Variants in IRAK4 observed in about 807,000 individuals in gnomAD.
IRAK4 encodes interleukin 1 receptor associated kinase 4, also known as interleukin-1 receptor-associated kinase 4.
Under a neutral mutation model 51.8 loss-of-function variants are expected in IRAK4, and 44 were observed. The ratio of observed to expected loss-of-function variants is 0.85; its 90% confidence interval spans 0.67 to 1.09. The LOEUF is 1.09. IRAK4 is among the 50% of genes least tolerant of loss of function. The pLI is 0.00. For missense variants in IRAK4, 487 were observed against 538.0 expected, an observed-to-expected ratio of 0.91 and a Z score of 0.94; for synonymous variants, 149 against 174.1, an observed-to-expected ratio of 0.86 and a Z score of 1.13.
Position 43,774,004 on chromosome 12 carries a change from G to C in IRAK4, c.691G>C (p.Asp231His). Reference protein sequence around the residue: ...ITTEELKQQFDQEIKVMAKCQ... With the variant: ...ITTEELKQQFHQEIKVMAKCQ... Reference sequence around the variant, plus strand: ...TACTGAAGAACTGAAACAGCAGTTTGATCAAGAAATAAAAGTAATGGCAAA... The same window carrying C: ...TACTGAAGAACTGAAACAGCAGTTTCATCAAGAAATAAAAGTAATGGCAAA... Residue 231 changes from aspartate (D) to histidine (H), a missense_variant, in exon 6 of 12, where the codon GAT (aspartate) becomes CAT (histidine). By Grantham distance (81) the Asp-to-His change is moderately conservative. Transcript: ENST00000613694. The C allele has an allele frequency of 6.2e-7, 1 of 1,610,720 alleles. No individual in the cohort carries two copies. The highest frequency in any genetic ancestry group is 8.5e-7 in the Non-Finnish European group (1 of 1,178,168).
At chr12:43,763,456 G>T (rs1037489600) in intron 1 of IRAK4, 4 of 151,838 alleles carry the variant, frequency 2.6e-5, no homozygotes, top group African/African-American at 9.7e-5. Context: ...TTGAGGAAAA[G>T]GTAATTATTT....
At position 43,772,916 on chromosome 12, in the gene IRAK4, T is replaced by C; in HGVS notation, c.495T>C (p.Phe165=). The C allele has an allele frequency of 6.2e-7, 1 of 1,605,038 alleles. No homozygotes were observed. The highest frequency in any genetic ancestry group is 8.5e-7 in the Non-Finnish European group (1 of 1,174,548). ...GTTTTTCTTATTTTGACATAGGTTT[T>C]CACAGTTTTTCATTTTATGAATTGA... ...NKSLEVSDTR[F]HSFSFYELKN... The change falls in exon 5 of 12, where the codon TTT becomes TTC. Residue 165 remains phenylalanine (F), a synonymous_variant. Transcript: ENST00000613694.
chr12:43,778,218 A>G lies in IRAK4; in HGVS notation c.857A>G (p.His286Arg). The change falls in exon 8 of 12, where the codon CAC becomes CGC. Residue 286 changes from histidine to arginine, a missense_variant. Physicochemically the swap from His to Arg is conservative, Grantham distance 29. Transcript: ENST00000613694. ...CLDGTPPLSW[H>R]MRCKIAQGAA... ...GATGGTACTCCACCACTTTCTTGGC[A>G]CATGAGATGCAAGATTGCTCAGGGT... is the stretch of plus-strand genomic sequence containing the variant. The G allele has an allele frequency of 6.2e-7, 1 of 1,609,120 alleles. No individual in the cohort carries two copies.
intron 1 of IRAK4, among the ~76,000 whole-genome samples, chr12:43,762,276 G>A (rs1939643348): frequency 6.6e-6 from 1 of 152,072 alleles, no homozygotes. Flanking sequence ...CTTTTTCCTA[G>A]TATCCCTACA....
At position 43,779,391 on chromosome 12, in the gene IRAK4, T is replaced by C. The variant is rs1941579006; in HGVS notation, c.941+1089T>C. Among the ~76,000 whole-genome samples, 2 of 152,194 alleles carry C rather than the reference T, an allele frequency of 1.3e-5. 1 individual carries two copies. Among genetic ancestry groups the C allele is most frequent in the South Asian group, 4.1e-4 (2 of 4,830 alleles). On this transcript the variant is annotated intron_variant, in intron 8 of 11. Coordinates refer to ENST00000613694, the MANE Select transcript of IRAK4 (RefSeq NM_016123.4). ...ACTTAATAGATCAAGGTAAGGCTTTTAGTTTTATCACAAGTGTAATGAGAT... is the reference window on the plus strand; with the variant it reads ...ACTTAATAGATCAAGGTAAGGCTTTCAGTTTTATCACAAGTGTAATGAGAT...
chr12:43,764,503 A>G (rs1939913750), intron 1 of IRAK4, among the ~76,000 whole-genome samples: 1 of 152,246 alleles, frequency 6.6e-6, no homozygotes, highest in Non-Finnish European at 1.5e-5. Flanking sequence ...AACACCAGCC[A>G]TTTGGGCCAT....
intron 1 of IRAK4, among the ~76,000 whole-genome samples, chr12:43,761,269 A>G (rs1233820242): frequency 1.3e-5 from 2 of 152,254 alleles, no homozygotes; most frequent in African/African-American, 4.8e-5. Context: ...GGATATAAAT[A>G]CATTAAAATT....
At chr12:43,785,646 A>G (rs1216976206) in intron 10 of IRAK4, among the ~76,000 whole-genome samples, 5 of 148,754 alleles carry the variant, frequency 3.4e-5, no homozygotes, top group East Asian at 1.9e-4. Context: ...ATTTATATAT[A>G]TATATATACA....
At chr12:43,762,191 A>G (rs1939634815) in intron 1 of IRAK4, among the ~76,000 whole-genome samples, 1 of 152,220 alleles carries the variant, frequency 6.6e-6, no homozygotes, top group South Asian at 2.1e-4. Context: ...ATATGAATAT[A>G]CATTTAAAGT....
chr12:43,764,661 G>A (rs780355925), intron 1 of IRAK4, among the ~76,000 whole-genome samples: 1 of 152,192 alleles, frequency 6.6e-6, no homozygotes, highest in Non-Finnish European at 1.5e-5. Context: ...GGACTGTAAG[G>A]TGGATGCCTA....
chr12:43,784,694 C>G (rs1942060395), intron 10 of IRAK4, among the ~76,000 whole-genome samples: 1 of 152,162 alleles, frequency 6.6e-6, no homozygotes, highest in African/African-American at 2.4e-5. Flanking sequence ...ATCTCAGTCA[C>G]AAGTTTTGCA....
chr12:43,774,155 TTTAGA>T (rs1473977080), intron 6 of IRAK4, 126 bp downstream of exon 6: 42 of 712,250 alleles, frequency 5.9e-5, no homozygotes, highest in South Asian at 4.7e-5. Flanking sequence ...AAATAAAGTG[TTTAGA>T]TTAGAGAAAT....
At chr12:43,775,991 C>G (rs1393254197) in intron 6 of IRAK4, among the ~76,000 whole-genome samples, 2 of 150,280 alleles carry the variant, frequency 1.3e-5, no homozygotes, top group African/African-American at 4.9e-5. Context: ...ACGCCATTCT[C>G]CCGCCTCAGC....
chr12:43,783,836 T>C lies in IRAK4; in HGVS notation c.1188+112T>C, dbSNP rs559978691. On this transcript the variant is annotated intron_variant, in intron 10 of 11. Coordinates refer to ENST00000613694, the MANE Select transcript of IRAK4 (RefSeq NM_016123.4). The stretch of plus-strand genomic sequence containing the variant: ...ACATTTTCTATTGGCAATCTTTCCA[T>C]TGGCTATTACACGACAGCATATGGA... The C allele has an allele frequency of 7.0e-5, 52 of 739,838 alleles. No individual in the cohort carries two copies. In the Admixed American group the frequency reaches 7.5e-4, roughly 11 times the overall value. 45.8% of individuals were successfully genotyped at this position (739,838 alleles called of 1,614,324 possible).
At position 43,768,235 on chromosome 12, in the gene IRAK4, C is replaced by T; in HGVS notation, c.124C>T (p.Pro42Ser). Residue 42 changes from proline (P) to serine (S), a missense_variant, in exon 2 of 12, where the codon CCA becomes TCA. Transcript: ENST00000613694. ...GAAGTTAGCTGTAGCTATTAAAAAA[C>T]CATCTGGTGATGATAGATACAATCA... ...WKKLAVAIKKPSGDDRYNQFH... is the reference protein window; with the variant it reads ...WKKLAVAIKKSSGDDRYNQFH... 1 of 1,612,750 alleles carries T rather than the reference C, an allele frequency of 6.2e-7. No homozygotes were observed. The highest frequency in any genetic ancestry group is 2.2e-5 in the East Asian group (1 of 44,820).
intron 6 of IRAK4, among the ~76,000 whole-genome samples, chr12:43,775,389 C>G (rs1459836129): frequency 6.6e-6 from 1 of 152,162 alleles, no homozygotes; most frequent in East Asian, 1.9e-4. Flanking sequence ...CTATGGTACA[C>G]GTTTACCTGT....
intron 1 of IRAK4, 74 bp downstream of exon 1, chr12:43,759,090 C>T (rs1244965429): frequency 1.3e-5 from 2 of 152,202 alleles, no homozygotes. Context: ...GCACCTCTGC[C>T]CCAGGGTTGC....
At chr12:43,769,974 AAG>A (rs1343396382) in intron 2 of IRAK4, among the ~76,000 whole-genome samples, 1 of 152,194 alleles carries the variant, frequency 6.6e-6, no homozygotes, top group Non-Finnish European at 1.5e-5. Context: ...CACAGATTGA[AAG>A]AGAGAATGCA....
chr12:43,782,198 A>C, intron 8 of IRAK4, 109 bp from the exon 9 acceptor site: 1 of 726,852 alleles, frequency 1.4e-6, no homozygotes, highest in Non-Finnish European at 2.5e-6. Flanking sequence ...ATATGCATGT[A>C]TGCATATACA....
Sources: allele counts gnomAD v4.1 joint callset (sites outside exome capture counted in the v4.1 genomes callset), GRCh38; gene constraint gnomAD v4.1.1; transcripts MANE v1.5; gene names NCBI Gene and HGNC (gene_info 2026-07-23, HGNC 2026-07-21).